Variants in GPR4 observed in about 807,000 individuals in gnomAD.
GPR4 encodes G-prodeshotein coupled receptor 4.
Under a neutral mutation model 17.8 loss-of-function variants are expected in GPR4, and 11 were observed. That is an observed-to-expected ratio of 0.62 (90% CI 0.39 to 1.02). GPR4 has a LOEUF of 1.02. Ranked by LOEUF, GPR4 falls within the 50% of genes least tolerant of loss-of-function variation. GPR4 has a pLI of 0.00. For missense variants in GPR4, 364 were observed against 495.4 expected (o/e 0.73, Z 2.52); for synonymous variants, 219 against 222.8 (o/e 0.98, Z 0.15).
Position 45,591,250 on chromosome 19 carries a change from C to A in GPR4, c.617G>T (p.Arg206Leu). ...LMLLSYRGILRAVRGSVSTER... is the reference protein window; with the variant it reads ...LMLLSYRGILLAVRGSVSTER... Reference sequence around the variant, plus strand: ...GGTGGACACGCTGCCCCGCACGGCCCGCAGGATGCCCCGGTACGACAGCAG... The same window carrying A: ...GGTGGACACGCTGCCCCGCACGGCCAGCAGGATGCCCCGGTACGACAGCAG... The change falls in exon 2 of 2, where the codon CGG becomes CTG. Residue 206 changes from arginine to leucine, a missense_variant. Arg to Leu is a moderately radical substitution (Grantham distance 102). Coordinates refer to ENST00000323040, the MANE Select transcript of GPR4 (RefSeq NM_005282.3). This position sits in a 1 kb window ranked among gnomAD's most constrained non-coding sequence, Gnocchi z 7.6. The A allele has an allele frequency of 1.9e-6, 3 of 1,613,246 alleles. No homozygotes were observed. Among genetic ancestry groups the A allele is most frequent in the East Asian group, 2.2e-5 (1 of 44,870 alleles).
rs764115121 is a variant in GPR4, at chr19:45,590,470, G to A, written c.*308C>T. The stretch of plus-strand genomic sequence containing the variant: ...GGAAGATCGCTGGAGAGCCCAGGAG[G>A]TGGAGGCTGCAGTGAGCCACGACTG... On this transcript the variant is annotated 3_prime_UTR_variant, in exon 2 of 2. Transcript: ENST00000323040. 6.8e-6 allele frequency: 2 copies of A among 294,884 alleles called. No homozygotes were observed. The highest frequency in any genetic ancestry group is 6.3e-6 in the Non-Finnish European group (1 of 159,478). 18.3% of individuals were successfully genotyped at this position (294,884 alleles called of 1,614,324 possible). A position where few individuals can be genotyped will look rare whatever the true frequency, so the allele number is the denominator to read the frequency against.
rs1970005876 is a variant in GPR4 at position 45,592,250 on chromosome 19, G to GA, written c.-385dup. On this transcript the variant is annotated 5_prime_UTR_variant, in exon 2 of 2. It introduces an in-frame stop codon into an upstream open reading frame of the 5' UTR. Transcript: ENST00000323040. ...CATCGCTGGGCAATGGTGAGAAGGA[G>GA]ATGGTTTGCAGGGCAATTAGGAAGT... The GA allele has an allele frequency of 4.8e-6, 1 of 209,446 alleles. No individual in the cohort carries two copies. The highest frequency in any genetic ancestry group is 1.0e-5 in the Non-Finnish European group (1 of 95,600). 13.0% of individuals were successfully genotyped at this position (209,446 alleles called of 1,614,324 possible). A position where few individuals can be genotyped will look rare whatever the true frequency, so the allele number is the denominator to read the frequency against.
At chr19:45,598,403 C>T (rs1028751269) in intron 1 of GPR4, among the ~76,000 whole-genome samples, 1 of 152,078 alleles carries the variant, frequency 6.6e-6, no homozygotes, top group Admixed American at 6.6e-5. Context: ...GCTGACCTAA[C>T]TCGGGTACCC....
At chr19:45,597,103 C>G (rs1970065736) in intron 1 of GPR4, among the ~76,000 whole-genome samples, 1 of 151,652 alleles carries the variant, frequency 6.6e-6, no homozygotes, top group African/African-American at 2.4e-5. Context: ...GAATCTTACT[C>G]TGTCGCCCAG....
At chr19:45,598,620 A>G (rs1198971719) in intron 1 of GPR4, among the ~76,000 whole-genome samples, 5 of 151,970 alleles carry the variant, frequency 3.3e-5, no homozygotes, top group Non-Finnish European at 5.9e-5. Context: ...CAACGTGGAA[A>G]CCCCAAAAGT....
At chr19:45,593,175 G>C (rs1970015790) in intron 1 of GPR4, among the ~76,000 whole-genome samples, 1 of 138,680 alleles carries the variant, frequency 7.2e-6, no homozygotes, top group African/African-American at 2.8e-5. Flanking sequence ...TCCAGCTTGG[G>C]CAACAGAGTG....
At chr19:45,599,329 C>T (rs932650913) in intron 1 of GPR4, among the ~76,000 whole-genome samples, 14 of 152,030 alleles carry the variant, frequency 9.2e-5, no homozygotes, top group African/African-American at 3.4e-4. Flanking sequence ...CCCCCGCATC[C>T]CCCAGCACCC....
At position 45,599,432 on chromosome 19, in the gene GPR4, C is replaced by A. The variant is rs191447490; in HGVS notation, c.-832+2663G>T. On this transcript the variant is annotated intron_variant, in intron 1 of 1. Transcript: ENST00000323040. ...GTGGGCTCCTGCTCCCACCACCCCC[C>A]CCTCCCCGCCTTCTCCCTGCAGCCC... Among the ~76,000 whole-genome samples the A allele has an allele frequency of 2.6e-3, 394 of 152,018 alleles. 1 individual carries two copies. Among genetic ancestry groups the A allele is most frequent in the Admixed American group, 8.7e-3 (133 of 15,262 alleles).
chr19:45,599,609 C>A (rs891134170), intron 1 of GPR4: 7 of 152,310 alleles, frequency 4.6e-5, no homozygotes, highest in African/African-American at 1.7e-4. Context: ...CTGTTTCAAC[C>A]GAGAGGGTCT....
chr19:45,595,416 G>A (rs1164433732), intron 1 of GPR4, among the ~76,000 whole-genome samples: 1 of 152,114 alleles, frequency 6.6e-6, no homozygotes, highest in Non-Finnish European at 1.5e-5. Context: ...GAGCTGCTGG[G>A]AACAGTCAAG....
In GPR4 at chr19:45,591,461, C is replaced by T; in HGVS notation, c.406G>A (p.Ala136Thr). Reference protein sequence around the residue: ...ARLRRVKTAVAVSSVVWATEL... With the variant: ...ARLRRVKTAVTVSSVVWATEL... ...GTGGCCCAGACCACGGAGCTCACGG[C>T]CACGGCGGTCTTGACGCGGCGCAGG... The change falls in exon 2 of 2, where the codon GCC becomes ACC. Residue 136 changes from alanine (A) to threonine (T), a missense_variant. Ala to Thr is a moderately conservative substitution (Grantham distance 58, BLOSUM62 0). This residue lies in a region of GPR4 where 271 missense variants were observed against 373.1 expected (regional missense o/e 0.73). Coordinates refer to ENST00000323040, the MANE Select transcript of GPR4 (RefSeq NM_005282.3). The surrounding 1 kb of genome is among the most constrained non-coding windows in gnomAD (Gnocchi z 7.6). 6.2e-7 allele frequency: 1 copy of T among 1,608,902 alleles called. No homozygotes were observed. The highest frequency in any genetic ancestry group is 1.3e-5 in the African/African-American group (1 of 74,534).
At chr19:45,593,302 C>T (rs961325746) in intron 1 of GPR4, among the ~76,000 whole-genome samples, 1 of 149,184 alleles carries the variant, frequency 6.7e-6, no homozygotes, top group Non-Finnish European at 1.5e-5. Flanking sequence ...AGTTCAAGAA[C>T]AGCCTGGCCA....
intron 1 of GPR4, among the ~76,000 whole-genome samples, chr19:45,596,292 A>G (rs1280516501): frequency 4.9e-5 from 7 of 143,476 alleles, no homozygotes; most frequent in Admixed American, 3.6e-4. Context: ...CACAACCTCT[A>G]CCTCCCGGGT....
At chr19:45,597,726 C>T (rs1204820861) in intron 1 of GPR4, among the ~76,000 whole-genome samples, 1 of 152,172 alleles carries the variant, frequency 6.6e-6, no homozygotes, top group Non-Finnish European at 1.5e-5. Context: ...CACCCCACCC[C>T]AGGCTCAAAC....
intron 1 of GPR4, chr19:45,599,752 A>G (rs1970094636): frequency 6.6e-6 from 1 of 152,180 alleles, no homozygotes; most frequent in Non-Finnish European, 1.5e-5. Context: ...ATGTTCTATT[A>G]TAACATTCTA....
intron 1 of GPR4, chr19:45,599,706 T>A (rs1970094266): frequency 1.3e-5 from 2 of 152,214 alleles, no homozygotes; most frequent in African/African-American, 4.8e-5. Flanking sequence ...GGTTCTGCAG[T>A]CTTCAGGTTC....
intron 1 of GPR4, among the ~76,000 whole-genome samples, chr19:45,594,395 G>C (rs34135556): frequency 1.7e-4 from 25 of 143,524 alleles, no homozygotes; most frequent in African/African-American, 6.6e-4. Context: ...GCACTCCAGC[G>C]GGGGTGACAG....
chr19:45,590,963 G>A lies in GPR4; in HGVS notation c.904C>T (p.His302Tyr). The change falls in exon 2 of 2, where the codon CAC (histidine) becomes TAC (tyrosine). Residue 302 changes from histidine to tyrosine, a missense_variant. By Grantham distance (83) the His-to-Tyr change is moderately conservative. This residue lies in a region of GPR4 where 92 missense variants were observed against 106.0 expected (regional missense o/e 0.87). Coordinates refer to ENST00000323040, the MANE Select transcript of GPR4 (RefSeq NM_005282.3). ...GARSDVAKALHNLLRFLASDK... is the reference protein window; with the variant it reads ...GARSDVAKALYNLLRFLASDK... The stretch of plus-strand genomic sequence containing the variant: ...CTGGCCAGAAAGCGGAGCAGGTTGT[G>A]CAGGGCCTTGGCCACATCGCTGCGG... 6.2e-7 allele frequency: 1 copy of A among 1,614,022 alleles called. No homozygotes were observed. Among genetic ancestry groups the A allele is most frequent in the Non-Finnish European group, 8.5e-7 (1 of 1,180,044 alleles).
At chr19:45,598,746 G>C (rs940435247) in intron 1 of GPR4, among the ~76,000 whole-genome samples, 1 of 152,170 alleles carries the variant, frequency 6.6e-6, no homozygotes, top group South Asian at 2.1e-4. Flanking sequence ...ACCGAGGCCC[G>C]CAGCAGCAAG....
Sources: gnomAD v4.1 joint callset for allele counts (sites outside exome capture counted in the v4.1 genomes callset) on GRCh38, gnomAD v4.1.1 for gene constraint, gnomAD v4.1.1 regional missense constraint, Gnocchi (gnomAD v3.1) non-coding constraint, MANE v1.5 for transcripts, NCBI Gene and HGNC (gene_info 2026-07-23, HGNC 2026-07-21) for gene names.